CLEC16A: variants seen among roughly 807,000 people sequenced by gnomAD.
The protein encoded by CLEC16A is protein CLEC16A.
Under a neutral mutation model 109.5 loss-of-function variants are expected in CLEC16A, and 51 were observed. The observed-to-expected ratio is 0.47, with a 90% CI of 0.37 to 0.59. The LOEUF (loss-of-function observed/expected upper bound fraction) is 0.59, where lower values mean the gene tolerates loss of function less well. Ranked by LOEUF, CLEC16A falls within the 20% of genes least tolerant of loss-of-function variation. CLEC16A has a pLI of 0.00. For synonymous variants in CLEC16A, 673 were observed against 564.2 expected (o/e 1.19, Z -2.73); for missense variants, 1,339 against 1,394.0 (o/e 0.96, Z 0.63).
At chr16:11,092,410 TGTG>T (rs1449411691) in intron 19 of CLEC16A, among the ~76,000 whole-genome samples, 11 of 114,508 alleles carry the variant, frequency 9.6e-5, no homozygotes, top group East Asian at 2.2e-4. Flanking sequence ...ACATGCCAGG[TGTG>T]GTGGTGGGAG....
chr16:11,036,034 C>T (rs1567225257), intron 13 of CLEC16A: 1 of 152,498 alleles, frequency 6.6e-6, no homozygotes, highest in African/African-American at 2.4e-5. Flanking sequence ...CACCTCTGCT[C>T]TCTGCCTCCC....
At position 10,990,370 on chromosome 16, in the gene CLEC16A, C is replaced by T. The variant is rs899394867; in HGVS notation, c.1071+7379C>T. Among the ~76,000 whole-genome samples, 7 of 152,164 alleles carry T rather than the reference C, an allele frequency of 4.6e-5. No individual in the cohort carries two copies. The East Asian group carries it at 9.6e-4, about 21-fold the overall frequency. On this transcript the variant is annotated intron_variant, in intron 10 of 23. Transcript: ENST00000409790. ...TGAGGTCCGGTACTAAGGAGCGTAT[C>T]GTTGTCTGAGAAACAGTTGCGTCTC...
chr16:11,133,819 C>A (rs2053391214), intron 22 of CLEC16A, among the ~76,000 whole-genome samples: 1 of 152,174 alleles, frequency 6.6e-6, no homozygotes, highest in Non-Finnish European at 1.5e-5. Flanking sequence ...GGAAGAAGGA[C>A]CTGGGGCTTC....
chr16:11,024,793 G>T (rs563804724), intron 12 of CLEC16A, 28 bp from the exon 13 acceptor site: 51 of 1,540,692 alleles, frequency 3.3e-5, no homozygotes, highest in Non-Finnish European at 4.2e-5. Flanking sequence ...GCACCGTGAG[G>T]CTCATACATG....
intron 11 of CLEC16A, among the ~76,000 whole-genome samples, chr16:11,012,223 A>G (rs777929207): frequency 6.6e-6 from 1 of 152,230 alleles, no homozygotes; most frequent in Non-Finnish European, 1.5e-5. Flanking sequence ...TCACGAAAAC[A>G]TATCTAACTT....
intron 13 of CLEC16A, chr16:11,035,912 A>C (rs1158727501): frequency 6.6e-6 from 1 of 152,314 alleles, no homozygotes; most frequent in Non-Finnish European, 1.5e-5. Context: ...CATGGTGGGA[A>C]AAAGAGCTGG....
intron 7 of CLEC16A, among the ~76,000 whole-genome samples, chr16:10,976,760 G>A (rs988889098): frequency 9.8e-5 from 15 of 152,302 alleles, no homozygotes; most frequent in African/African-American, 3.6e-4. Flanking sequence ...TCCAGGGCAG[G>A]GGCCTGGGGG....
At chr16:11,096,816 A>G (rs1321795372) in intron 19 of CLEC16A, among the ~76,000 whole-genome samples, 1 of 152,230 alleles carries the variant, frequency 6.6e-6, no homozygotes, top group Non-Finnish European at 1.5e-5. Flanking sequence ...CTTCTATGAA[A>G]GATGATGCTG....
At chr16:11,003,440 C>G in intron 11 of CLEC16A, 135 bp downstream of exon 11, 1 of 685,116 alleles carries the variant, frequency 1.5e-6, no homozygotes. Context: ...CTACCTCACA[C>G]TGGCGTACCT....
At chr16:11,149,414 T>G (rs2054203739) in intron 22 of CLEC16A, among the ~76,000 whole-genome samples, 2 of 152,154 alleles carry the variant, frequency 1.3e-5, no homozygotes, top group South Asian at 4.1e-4. Context: ...TGTTAATATT[T>G]CTGTTTATTT....
intron 9 of CLEC16A, among the ~76,000 whole-genome samples, chr16:10,981,835 T>C (rs921717685): frequency 1.3e-5 from 2 of 152,212 alleles, no homozygotes; most frequent in African/African-American, 4.8e-5. Flanking sequence ...AGGGGCAATT[T>C]TGCCCCTCAG....
chr16:11,122,747 C>T (rs1363111714), intron 20 of CLEC16A, among the ~76,000 whole-genome samples: 1 of 152,110 alleles, frequency 6.6e-6, no homozygotes, highest in Non-Finnish European at 1.5e-5. Context: ...CACCTCAAAC[C>T]TTCATGGGAG....
chr16:11,094,452 C>T (rs1198157054), intron 19 of CLEC16A, among the ~76,000 whole-genome samples: 1 of 152,194 alleles, frequency 6.6e-6, no homozygotes, highest in Non-Finnish European at 1.5e-5. Context: ...TGTGGCTTAA[C>T]GGGCCCTCTT....
chr16:11,071,696 C>T (rs2049080541), intron 19 of CLEC16A, among the ~76,000 whole-genome samples: 1 of 149,250 alleles, frequency 6.7e-6, no homozygotes, highest in Non-Finnish European at 1.5e-5. Context: ...AAGTGATCAT[C>T]CCACCTTAGC....
intron 11 of CLEC16A, among the ~76,000 whole-genome samples, chr16:11,007,585 C>A (rs1389502583): frequency 6.6e-6 from 1 of 152,220 alleles, no homozygotes; most frequent in Non-Finnish European, 1.5e-5. Context: ...GTGAGAACAT[C>A]AACACTGTAG....
chr16:11,147,008 G>C (rs1465207019), intron 22 of CLEC16A, among the ~76,000 whole-genome samples: 1 of 152,148 alleles, frequency 6.6e-6, no homozygotes, highest in Non-Finnish European at 1.5e-5. Context: ...CCCAGACCAG[G>C]TGTCTGGGAA....
intron 10 of CLEC16A, among the ~76,000 whole-genome samples, chr16:10,991,925 C>T (rs1378619955): frequency 6.6e-6 from 1 of 152,188 alleles, no homozygotes; most frequent in African/African-American, 2.4e-5. Context: ...GTGAGTCATT[C>T]GTTTCATGCC....
chr16:11,047,357 G>T lies in CLEC16A; in HGVS notation c.1866+15G>T. 1 of 1,603,420 alleles carries T rather than the reference G, an allele frequency of 6.2e-7. No individual in the cohort carries two copies. The highest frequency in any genetic ancestry group is 1.1e-5 in the South Asian group (1 of 89,132). ...GGAGCATGACAGTAAGTGAGGGGCTGGGACACACTTGGGCTGGTGTGCGCC... is the reference window on the plus strand; with the variant it reads ...GGAGCATGACAGTAAGTGAGGGGCTTGGACACACTTGGGCTGGTGTGCGCC... On this transcript the variant is annotated intron_variant, in intron 17 of 23. Transcript: ENST00000409790.
Position 11,178,658 on chromosome 16 carries a change from T to A in CLEC16A, c.3130T>A (p.Cys1044Ser), listed in dbSNP as rs781471954. ...CTEPVGEEAA[C>S]AEPVGTAED The stretch of plus-strand genomic sequence containing the variant: ...AGAGCCCGTGGGCGAAGAGGCTGCA[T>A]GTGCTGAGCCTGTGGGCACCGCTGA... The change falls in exon 24 of 24, where the codon TGT becomes AGT. Residue 1044 changes from cysteine (C) to serine (S), a missense_variant. Physicochemically the swap from Cys to Ser is moderately radical, Grantham distance 112. Coordinates refer to ENST00000409790, the MANE Select transcript of CLEC16A (RefSeq NM_015226.3). The surrounding 1 kb of genome is among the most constrained non-coding windows in gnomAD (Gnocchi z 6.5). 11 of 1,552,582 alleles carry A rather than the reference T, an allele frequency of 7.1e-6. No homozygotes were observed. In the South Asian group the frequency reaches 1.1e-4, roughly 15 times the overall value.
Sources: gnomAD v4.1 joint callset for allele counts (sites outside exome capture counted in the v4.1 genomes callset) on GRCh38, gnomAD v4.1.1 for gene constraint, Gnocchi (gnomAD v3.1) non-coding constraint, MANE v1.5 for transcripts, NCBI Gene and HGNC (gene_info 2026-07-23, HGNC 2026-07-21) for gene names.